DUSP10: variants seen among roughly 807,000 people sequenced by gnomAD.
The protein encoded by DUSP10 is dual specificity phosphatase 10.
DUSP10 carries 14 observed loss-of-function variants against 30.8 expected under a neutral mutation model. That is an observed-to-expected ratio of 0.46 (90% confidence interval 0.30 to 0.71). The LOEUF is 0.71. Ranked by LOEUF, DUSP10 falls within the 30% of genes least tolerant of loss-of-function variation. The pLI is 0.08. For synonymous variants in DUSP10, 254 were observed against 250.4 expected (o/e 1.01, Z -0.14); for missense variants, 550 against 619.4 (o/e 0.89, Z 1.19).
Position 221,740,179 on chromosome 1 carries a change from T to A in DUSP10, c.-43-392A>T, listed in dbSNP as rs1661907948. ...CTCGGGCAGAAGTACACTGCAAACATCTGAGAAAGACCCATTTGTCCACCC... is the reference window on the plus strand; with the variant it reads ...CTCGGGCAGAAGTACACTGCAAACAACTGAGAAAGACCCATTTGTCCACCC... On this transcript the variant is annotated intron_variant, in intron 1 of 3. Coordinates refer to ENST00000366899, the MANE Select transcript of DUSP10 (RefSeq NM_007207.6). Among the ~76,000 whole-genome samples, 3 of 152,194 alleles carry A rather than the reference T, an allele frequency of 2.0e-5. No homozygotes were observed. In the South Asian group the frequency reaches 6.2e-4, roughly 31 times the overall value.
chr1:221,703,941 G>A (rs1660683699), intron 3 of DUSP10, among the ~76,000 whole-genome samples: 1 of 152,168 alleles, frequency 6.6e-6, no homozygotes, highest in Non-Finnish European at 1.5e-5. Flanking sequence ...AGTATTTCAA[G>A]AAAAGTAAGC....
intron 2 of DUSP10, among the ~76,000 whole-genome samples, chr1:221,723,905 T>A (rs1661347158): frequency 6.6e-6 from 1 of 152,208 alleles, no homozygotes; most frequent in African/African-American, 2.4e-5. Context: ...TCAGTCCCAC[T>A]CTCTTCTGCT....
Position 221,706,465 on chromosome 1 carries a change from A to G in DUSP10, c.813T>C (p.Gly271=). ...GGTTCTGCTTAAAACTACTAAGTCC[A>G]CCTAGAACACAAACACAGAAGGTGA... ...REGKEPLVLK[G]GLSSFKQNHE... is the part of the protein sequence containing the mutation. The change falls in exon 3 of 4, where the codon GGT becomes GGC. Residue 271 remains glycine, a splice_region_variant and synonymous_variant. Coordinates refer to ENST00000366899, the MANE Select transcript of DUSP10 (RefSeq NM_007207.6). The surrounding 1 kb of genome is among the most constrained non-coding windows in gnomAD (Gnocchi z 4.6). 1 of 1,500,902 alleles carries G rather than the reference A, an allele frequency of 6.7e-7. No homozygotes were observed. The highest frequency in any genetic ancestry group is 8.9e-7 in the Non-Finnish European group (1 of 1,123,518). The allele number at this position is 1,500,902 out of a possible 1,614,324, so 93.0% of individuals were successfully genotyped here.
At chr1:221,712,313 A>G (rs1660960054) in intron 2 of DUSP10, among the ~76,000 whole-genome samples, 1 of 152,148 alleles carries the variant, frequency 6.6e-6, no homozygotes, top group Non-Finnish European at 1.5e-5. Context: ...AGAGAGTTGA[A>G]TGGGAGTGCT....
intron 2 of DUSP10, among the ~76,000 whole-genome samples, chr1:221,729,000 C>A (rs1256074187): frequency 1.3e-5 from 2 of 152,162 alleles, no homozygotes; most frequent in Non-Finnish European, 2.9e-5. Flanking sequence ...CACTAGGCAC[C>A]AGCTGAGTAA....
intron 2 of DUSP10, among the ~76,000 whole-genome samples, chr1:221,722,251 A>C (rs77124202): frequency 0.012 from 1,773 of 152,346 alleles, 50 homozygotes; most frequent in East Asian, 0.061. Flanking sequence ...TGAAAGGTAG[A>C]AAAAGGGCCT....
intron 2 of DUSP10, among the ~76,000 whole-genome samples, chr1:221,710,867 A>G (rs909491592): frequency 6.6e-6 from 1 of 151,986 alleles, no homozygotes. Flanking sequence ...TAACTTCCTT[A>G]TGTGCACAAG....
chr1:221,702,220 G>A lies in DUSP10; in HGVS notation c.*192C>T. ...TCCTTAATTTGTCAGTTTGTGGGAG[G>A]TGAATCTCAATGGCATCAAAAGTTA... On this transcript the variant is annotated 3_prime_UTR_variant, in exon 4 of 4. Transcript: ENST00000366899. The surrounding 1 kb of genome is among the most constrained non-coding windows in gnomAD (Gnocchi z 4.5). The A allele has an allele frequency of 1.6e-6, 1 of 608,228 alleles. No homozygotes were observed. The highest frequency in any genetic ancestry group is 2.8e-6 in the Non-Finnish European group (1 of 362,896). The allele number at this position is 608,228 out of a possible 1,614,324, so 37.7% of individuals were successfully genotyped here. A position where few individuals can be genotyped will look rare whatever the true frequency, so the allele number is the denominator to read the frequency against.
intron 2 of DUSP10, among the ~76,000 whole-genome samples, chr1:221,711,157 A>G (rs534409962): frequency 6.6e-6 from 1 of 152,314 alleles, no homozygotes; most frequent in East Asian, 1.9e-4. Flanking sequence ...TTCTAGTTTT[A>G]GTGGGAAACT....
chr1:221,722,717 T>C (rs1427533860), intron 2 of DUSP10, among the ~76,000 whole-genome samples: 1 of 152,162 alleles, frequency 6.6e-6, no homozygotes, highest in African/African-American at 2.4e-5. Context: ...GAGTCAACTT[T>C]CTAGGAGCTG....
chr1:221,716,389 C>A (rs928403123), intron 2 of DUSP10, among the ~76,000 whole-genome samples: 13 of 152,304 alleles, frequency 8.5e-5, no homozygotes, highest in Admixed American at 5.2e-4. Context: ...AAGTCAGTCC[C>A]TCTGCCAGAG....
chr1:221,725,180 C>T (rs1348595606), intron 2 of DUSP10, among the ~76,000 whole-genome samples: 1 of 152,158 alleles, frequency 6.6e-6, no homozygotes, highest in Non-Finnish European at 1.5e-5. Flanking sequence ...CAGCCAATCA[C>T]TCACTCCACT....
intron 2 of DUSP10, among the ~76,000 whole-genome samples, chr1:221,727,589 TG>T (rs1661461455): frequency 6.6e-6 from 1 of 152,226 alleles, no homozygotes; most frequent in Admixed American, 6.5e-5. Flanking sequence ...ATGCTTGCTG[TG>T]CAATGGACTA....
chr1:221,721,047 G>A (rs556283546), intron 2 of DUSP10, among the ~76,000 whole-genome samples: 1 of 152,290 alleles, frequency 6.6e-6, no homozygotes, highest in Admixed American at 6.5e-5. Context: ...TATTGACAAA[G>A]CTGTTTCACC....
At chr1:221,741,237 G>C (rs1320781174) in intron 1 of DUSP10, among the ~76,000 whole-genome samples, 1 of 152,218 alleles carries the variant, frequency 6.6e-6, no homozygotes, top group Non-Finnish European at 1.5e-5. Flanking sequence ...TGAAGAGCGA[G>C]TTCTATTCCA....
Position 221,702,601 on chromosome 1 carries a change from G to A in DUSP10, c.1260C>T (p.Ile420=), listed in dbSNP as rs371723030. 62 of 1,613,984 alleles carry A rather than the reference G, an allele frequency of 3.8e-5. No homozygotes were observed. The East Asian group carries it at 5.6e-4, about 14-fold the overall frequency. Residue 420 remains isoleucine (I), a synonymous_variant, in exon 4 of 4, where the codon ATC becomes ATT. Transcript: ENST00000366899. This position sits in a 1 kb window ranked among gnomAD's most constrained non-coding sequence, Gnocchi z 4.5. The stretch of plus-strand genomic sequence containing the variant: ...TCCGAGTGTGCTTCATCAAGTAAGC[G>A]ATGACGATGGTGGCGGAGCGGGACA... ...AGVSRSATIV[I]AYLMKHTRMT...
chr1:221,720,041 C>T (rs1006855849), intron 2 of DUSP10, among the ~76,000 whole-genome samples: 5 of 152,184 alleles, frequency 3.3e-5, no homozygotes. Flanking sequence ...TTTGCATTTG[C>T]TGTTCCCTCT....
intron 1 of DUSP10, among the ~76,000 whole-genome samples, chr1:221,740,494 T>G (rs1281658893): frequency 6.6e-6 from 1 of 152,176 alleles, no homozygotes; most frequent in Non-Finnish European, 1.5e-5. Context: ...ACTGGTGTCC[T>G]AAAACGAAAT....
Position 221,739,241 on chromosome 1 carries a change from C to A in DUSP10, c.504G>T (p.Pro168=), listed in dbSNP as rs766677636. Residue 168 remains proline (P), a synonymous_variant, in exon 2 of 4, where the codon CCG becomes CCT. Coordinates refer to ENST00000366899, the MANE Select transcript of DUSP10 (RefSeq NM_007207.6). ...KMTKCSKSHL[P]SQGPVIIDCR... The stretch of plus-strand genomic sequence containing the variant: ...AGTCAATGATGACAGGGCCCTGACT[C>A]GGCAGGTGACTCTTGCTGCATTTGG... 1 of 1,614,180 alleles carries A rather than the reference C, an allele frequency of 6.2e-7. No individual in the cohort carries two copies.
Sources: allele counts gnomAD v4.1 joint callset (sites outside exome capture counted in the v4.1 genomes callset), GRCh38; gene constraint gnomAD v4.1.1; non-coding constraint Gnocchi (gnomAD v3.1); transcripts MANE v1.5; gene names NCBI Gene and HGNC (gene_info 2026-07-23, HGNC 2026-07-21).